The following AZI2 variants were observed in gnomAD, a reference collection of about 807,000 sequenced individuals.
AZI2 encodes the protein 5-azacytidine induced 2.
In AZI2, 22 loss-of-function variants were observed where a neutral mutation model predicts 45.8. That is an observed-to-expected ratio of 0.48 (90% CI 0.34 to 0.69). The LOEUF is 0.69. Ranked by LOEUF, AZI2 falls within the 30% of genes least tolerant of loss-of-function variation. The probability of loss-of-function intolerance (pLI) is 0.01; values close to 1 mark genes in which losing one functional copy is unlikely to be tolerated. For missense variants in AZI2, 417 were observed against 441.5 expected (o/e 0.94, Z 0.50); for synonymous variants, 137 against 156.7 (o/e 0.87, Z 0.94).
chr3:28,340,560 T>C lies in AZI2; in HGVS notation c.58A>G (p.Arg20Gly). The C allele has an allele frequency of 6.2e-7, 1 of 1,613,242 alleles. No homozygotes were observed. Among genetic ancestry groups the C allele is most frequent in the Non-Finnish European group, 8.5e-7 (1 of 1,179,522 alleles). The stretch of plus-strand genomic sequence containing the variant: ...ATTGAAACTGGAGTCACTGTATCTC[T>C]CTTATGGGCTTTTTCATGATTCAGA... ...CILNHEKAHK[R>G]DTVTPVSIYS... The change falls in exon 2 of 8, where the codon AGA (arginine) becomes GGA (glycine). Residue 20 changes from arginine to glycine, a missense_variant. Physicochemically the swap from Arg to Gly is moderately radical, Grantham distance 125. Transcript: ENST00000479665.
intron 1 of AZI2, chr3:28,348,307 GA>G: frequency 6.6e-6 from 1 of 152,276 alleles, no homozygotes; most frequent in Non-Finnish European, 1.5e-5. Context: ...AAAAAAAACT[GA>G]AGGCGCCCCA....
In AZI2 at chr3:28,337,670, TCTA is replaced by T. The variant is rs529390105; in HGVS notation, c.439+264_439+266del. Among the ~76,000 whole-genome samples, 529 of 152,290 alleles carry T rather than the reference TCTA, an allele frequency of 3.5e-3. 1 individual carries two copies. The highest frequency in any genetic ancestry group is 6.1e-3 in the Non-Finnish European group (413 of 68,018). On this transcript the variant is annotated intron_variant, in intron 4 of 7. Transcript: ENST00000479665. ...CACTTCTACTTCTTGCTTCTGGGCT[TCTA>T]CTCTTTTCCTCTTCTGCTTCATCAC...
At chr3:28,338,680 G>T in intron 2 of AZI2, 65 bp from the exon 3 acceptor site, 1 of 1,424,090 alleles carries the variant, frequency 7.0e-7, no homozygotes, top group Non-Finnish European at 9.5e-7. Context: ...ATAAGTCAGT[G>T]TTCTGATGGC....
At position 28,343,825 on chromosome 3, in the gene AZI2, G is replaced by A. The variant is rs1395979567; in HGVS notation, c.-5-3203C>T. Among the ~76,000 whole-genome samples, 6 of 151,998 alleles carry A rather than the reference G, an allele frequency of 3.9e-5. No individual in the cohort carries two copies. In the East Asian group the frequency reaches 1.2e-3, roughly 29 times the overall value. ...TACAAATCTAGGAACCCCTCAGAAG[G>A]CTTACAAAAGTACTTTACATGGAAG... On this transcript the variant is annotated intron_variant, in intron 1 of 7. Transcript: ENST00000479665.
intron 1 of AZI2, among the ~76,000 whole-genome samples, chr3:28,347,451 GGA>G (rs758414734): frequency 2.2e-4 from 34 of 152,154 alleles, no homozygotes; most frequent in Admixed American, 3.9e-4. Flanking sequence ...AGAAAGTAGG[GGA>G]GCCAGAAATG....
At chr3:28,345,568 G>A (rs1366590465) in intron 1 of AZI2, among the ~76,000 whole-genome samples, 1 of 151,728 alleles carries the variant, frequency 6.6e-6, no homozygotes, top group Non-Finnish European at 1.5e-5. Context: ...TTATTTTTGA[G>A]AACAATGAAA....
chr3:28,338,376 T>C, intron 3 of AZI2, 117 bp downstream of exon 3: 1 of 1,148,572 alleles, frequency 8.7e-7, no homozygotes, highest in Non-Finnish European at 1.2e-6. Context: ...GCCTTGAACA[T>C]GTATACAAAA....
In AZI2 at chr3:28,324,354, T is replaced by C; in HGVS notation, c.867A>G (p.Leu289=). The change falls in exon 8 of 8, where the codon TTA becomes TTG. Residue 289 remains leucine, a synonymous_variant. Coordinates refer to ENST00000479665, the MANE Select transcript of AZI2 (RefSeq NM_022461.5). ...TATYTRHPPL[L]PNGKALCHTT... ...TATGACAAAGAGCTTTGCCATTTGGTAAGAGAGGGGGATGTCTTGTGTATG... is the reference window on the plus strand; with the variant it reads ...TATGACAAAGAGCTTTGCCATTTGGCAAGAGAGGGGGATGTCTTGTGTATG... 2 of 1,597,266 alleles carry C rather than the reference T, an allele frequency of 1.3e-6. No individual in the cohort carries two copies. Among genetic ancestry groups the C allele is most frequent in the Non-Finnish European group, 1.7e-6 (2 of 1,171,052 alleles).
chr3:28,340,642 T>A lies in AZI2; in HGVS notation c.-5-20A>T, dbSNP rs371341778. 2.6e-6 allele frequency: 4 copies of A among 1,533,632 alleles called. No individual in the cohort carries two copies. The highest frequency in any genetic ancestry group is 1.4e-5 in the African/African-American group (1 of 71,964). On this transcript the variant is annotated intron_variant, in intron 1 of 7. Transcript: ENST00000479665. ...TGACAACTGTTTAAAAGAAAAAAAA[T>A]ATGAGTGACAAATGTCTCACTGAAT...
At chr3:28,333,930 C>T (rs903402001) in intron 5 of AZI2, among the ~76,000 whole-genome samples, 8 of 151,206 alleles carry the variant, frequency 5.3e-5, no homozygotes, top group African/African-American at 1.9e-4. Context: ...GGACTTTAGA[C>T]GTCTTCTAAA....
At chr3:28,343,484 T>C (rs1374825190) in intron 1 of AZI2, among the ~76,000 whole-genome samples, 1 of 151,836 alleles carries the variant, frequency 6.6e-6, no homozygotes, top group Non-Finnish European at 1.5e-5. Flanking sequence ...TGCTGAATTT[T>C]AAAAACACAG....
intron 1 of AZI2, chr3:28,341,677 G>A (rs1043435092): frequency 1.1e-4 from 17 of 151,958 alleles, no homozygotes; most frequent in African/African-American, 4.1e-4. Flanking sequence ...AGGGACTTTA[G>A]ACCATGCAAG....
chr3:28,332,032 CAAAG>C, intron 6 of AZI2: 1 of 834,540 alleles, frequency 1.2e-6, no homozygotes, highest in Non-Finnish European at 1.9e-6. Flanking sequence ...GCTCTTAAGA[CAAAG>C]GAATGTTATT....
chr3:28,332,102 T>G (rs1439372304), intron 6 of AZI2: 1 of 612,432 alleles, frequency 1.6e-6, no homozygotes, highest in Non-Finnish European at 2.8e-6. Context: ...TACCTCCACA[T>G]AGCTAGTTCC....
At chr3:28,332,335 A>G (rs759902312) in intron 6 of AZI2, 34 bp downstream of exon 6, 23 of 1,566,456 alleles carry the variant, frequency 1.5e-5, no homozygotes, top group Middle Eastern at 1.7e-4. Context: ...GGAAGAAGAC[A>G]ACGTATTGTC....
intron 5 of AZI2, among the ~76,000 whole-genome samples, chr3:28,334,472 T>C (rs1703713807): frequency 1.3e-5 from 2 of 151,922 alleles, no homozygotes; most frequent in Admixed American, 1.3e-4. Context: ...TTCTTTTAGT[T>C]GTGAGTGAGC....
In AZI2 at chr3:28,340,432, T is replaced by C; in HGVS notation, c.186A>G (p.Leu62=). 2 of 1,607,720 alleles carry C rather than the reference T, an allele frequency of 1.2e-6. No individual in the cohort carries two copies. Among genetic ancestry groups the C allele is most frequent in the South Asian group, 1.1e-5 (1 of 90,596 alleles). The stretch of plus-strand genomic sequence containing the variant: ...CTTCCAAAAATCTTATTCTCTTCTT[T>C]AACAAAGAGTTCTCTTTCTCTGAAT... ...LKDSEKENSL[L]KKRIRFLEEK... Residue 62 remains leucine (L), a synonymous_variant, in exon 2 of 8, where the codon TTA becomes TTG. Transcript: ENST00000479665.
chr3:28,325,068 T>C (rs1487085375), intron 7 of AZI2: 1 of 149,884 alleles, frequency 6.7e-6, no homozygotes, highest in African/African-American at 2.4e-5. Flanking sequence ...TGTGAAATCT[T>C]GTTTCTTGTA....
chr3:28,341,623 T>G (rs1282511020), intron 1 of AZI2: 1 of 152,064 alleles, frequency 6.6e-6, no homozygotes, highest in Non-Finnish European at 1.5e-5. Context: ...AAGGAGAAAC[T>G]GTGGCTAAAA....
Sources: allele counts gnomAD v4.1 joint callset (sites outside exome capture counted in the v4.1 genomes callset), GRCh38; gene constraint gnomAD v4.1.1; transcripts MANE v1.5; gene names NCBI Gene and HGNC (gene_info 2026-07-23, HGNC 2026-07-21).